Variants in NEK1 observed in about 807,000 individuals in gnomAD.
The protein encoded by NEK1 is serine/threonine-protein kinase Nek1.
A neutral mutation model predicts 182.1 loss-of-function variants in NEK1; 137 were observed. The ratio of observed to expected loss-of-function variants is 0.75; its 90% CI spans 0.65 to 0.87. NEK1 has a LOEUF of 0.87. Among genes scored for constraint, NEK1 ranks in the 40% least tolerant of loss-of-function variants. NEK1 has a pLI of 0.00. For synonymous variants in NEK1, 513 were observed against 492.2 expected (o/e 1.04, Z -0.56); for missense variants, 1,391 against 1,494.4 (o/e 0.93, Z 1.14).
chr4:169,569,636 C>T (rs1042980886), intron 12 of NEK1, among the ~76,000 whole-genome samples: 7 of 152,088 alleles, frequency 4.6e-5, no homozygotes, highest in South Asian at 2.1e-4. Context: ...CGATTGCAGG[C>T]GCGCGCCACC....
chr4:169,518,421 G>A (rs1302592664), intron 19 of NEK1, among the ~76,000 whole-genome samples: 55 of 139,860 alleles, frequency 3.9e-4, no homozygotes, highest in African/African-American at 7.8e-4. Flanking sequence ...TCTTAATAGC[G>A]GTCTATCAAT....
chr4:169,596,671 T>C (rs1769546421), intron 5 of NEK1, among the ~76,000 whole-genome samples: 1 of 152,144 alleles, frequency 6.6e-6, no homozygotes. Context: ...GTCTTCCTGT[T>C]CCCCACTTAC....
intron 23 of NEK1, among the ~76,000 whole-genome samples, chr4:169,492,068 T>C (rs773152551): frequency 5.9e-5 from 9 of 151,874 alleles, no homozygotes; most frequent in Non-Finnish European, 1.3e-4. Flanking sequence ...GAGTAGACAA[T>C]AAGAGAAGAA....
intron 27 of NEK1, among the ~76,000 whole-genome samples, chr4:169,441,280 A>G (rs1006285274): frequency 2.0e-5 from 3 of 152,222 alleles, no homozygotes; most frequent in African/African-American, 7.2e-5. Flanking sequence ...GCAAGGAGAT[A>G]GGCATGCTTG....
chr4:169,526,928 G>A (rs1756975169), intron 19 of NEK1, among the ~76,000 whole-genome samples: 3 of 152,120 alleles, frequency 2.0e-5, no homozygotes, highest in Admixed American at 6.5e-5. Context: ...AACATGACAA[G>A]TTTGGTGTAA....
At chr4:169,453,673 G>A (rs1742281178) in intron 27 of NEK1, among the ~76,000 whole-genome samples, 1 of 152,234 alleles carries the variant, frequency 6.6e-6, no homozygotes, top group African/African-American at 2.4e-5. Context: ...CAGTTAACTA[G>A]CCCAACCTAT....
chr4:169,498,970 A>T (rs994866892), intron 23 of NEK1, among the ~76,000 whole-genome samples: 2 of 152,214 alleles, frequency 1.3e-5, no homozygotes, highest in African/African-American at 4.8e-5. Flanking sequence ...AGATTGGGGA[A>T]GTTCTCCTGG....
chr4:169,602,059 A>G lies in NEK1; in HGVS notation c.163T>C (p.Leu55=), dbSNP rs1390276799. 8 of 1,613,554 alleles carry G rather than the reference A, an allele frequency of 5.0e-6. No homozygotes were observed. Among genetic ancestry groups the G allele is most frequent in the South Asian group, 1.1e-5 (1 of 91,068 alleles). Residue 55 remains leucine (L), a synonymous_variant, in exon 4 of 36, where the codon TTG becomes CTG. Transcript: ENST00000507142. ...ATATTTGGATGCTTCATGTTTGCCA[A>G]TACTGCAACTTCTCTCCTTGATTCT... ...REESRREVAV[L]ANMKHPNIVQ... is the part of the protein sequence containing the mutation.
At chr4:169,428,491 A>G (rs532086801) in intron 29 of NEK1, among the ~76,000 whole-genome samples, 69 of 151,864 alleles carry the variant, frequency 4.5e-4, no homozygotes, top group Non-Finnish European at 8.5e-4. Flanking sequence ...TATATACTAT[A>G]TGATTCTGTA....
chr4:169,556,616 C>A (rs1268264756), intron 16 of NEK1, among the ~76,000 whole-genome samples: 1 of 151,812 alleles, frequency 6.6e-6, no homozygotes, highest in Admixed American at 6.6e-5. Flanking sequence ...TCATATCTAT[C>A]TTTAGTTTCC....
At chr4:169,506,259 G>A (rs1753233453) in intron 23 of NEK1, among the ~76,000 whole-genome samples, 1 of 152,078 alleles carries the variant, frequency 6.6e-6, no homozygotes, top group Non-Finnish European at 1.5e-5. Flanking sequence ...TGGCAGAAAA[G>A]ACAGAGTAAC....
chr4:169,512,326 G>C (rs1210292659), intron 19 of NEK1, among the ~76,000 whole-genome samples: 1 of 152,028 alleles, frequency 6.6e-6, no homozygotes, highest in East Asian at 1.9e-4. Context: ...TAGGTGTGAA[G>C]TGATAACATC....
chr4:169,523,119 G>T (rs560882607), intron 19 of NEK1, among the ~76,000 whole-genome samples: 3 of 152,218 alleles, frequency 2.0e-5, no homozygotes, highest in African/African-American at 7.2e-5. Context: ...ATTCTTTTTG[G>T]ACCTGGGCAG....
At chr4:169,513,187 A>T (rs1416380757) in intron 19 of NEK1, among the ~76,000 whole-genome samples, 1 of 152,124 alleles carries the variant, frequency 6.6e-6, no homozygotes, top group Non-Finnish European at 1.5e-5. Flanking sequence ...AAGAATTGCC[A>T]TTTTTACTGT....
Position 169,561,846 on chromosome 4 carries a change from T to C in NEK1, c.1126A>G (p.Lys376Glu). 1 of 1,610,484 alleles carries C rather than the reference T, an allele frequency of 6.2e-7. No homozygotes were observed. Among genetic ancestry groups the C allele is most frequent in the Non-Finnish European group, 8.5e-7 (1 of 1,178,704 alleles). The change falls in exon 14 of 36, where the codon AAA (lysine) becomes GAA (glutamate). Residue 376 changes from lysine to glutamate, a missense_variant. Coordinates refer to ENST00000507142, the MANE Select transcript of NEK1 (RefSeq NM_001199397.3). ...CAAAAAACTACCTGATCCTTTTGTT[T>C]CTTTTCTTTTTCAATAAATTCCAGC... ...RRLEFIEKEK[K>E]QKDQIISLMK...
intron 8 of NEK1, among the ~76,000 whole-genome samples, chr4:169,587,912 AATT>A (rs1360493345): frequency 6.6e-6 from 1 of 152,080 alleles, no homozygotes; most frequent in Non-Finnish European, 1.5e-5. Context: ...AACTTTTTTC[AATT>A]ATTTGTAAAA....
chr4:169,562,974 C>G (rs76707684), intron 12 of NEK1, among the ~76,000 whole-genome samples: 1,645 of 152,212 alleles, frequency 0.011, 28 homozygotes, highest in African/African-American at 0.037. Context: ...ATATCTGCAT[C>G]TGTTTTCTTC....
intron 23 of NEK1, among the ~76,000 whole-genome samples, chr4:169,497,549 T>C (rs1751574323): frequency 6.6e-6 from 1 of 152,246 alleles, no homozygotes; most frequent in South Asian, 2.1e-4. Flanking sequence ...CTTAGTGCTA[T>C]AAATTTCCTT....
intron 8 of NEK1, among the ~76,000 whole-genome samples, chr4:169,587,904 C>CT (rs1477153787): frequency 2.6e-5 from 4 of 151,870 alleles, no homozygotes; most frequent in Non-Finnish European, 4.4e-5. Flanking sequence ...AAAACTCAAA[C>CT]TTTTTTCAAT....
Sources: gnomAD v4.1 joint callset for allele counts (sites outside exome capture counted in the v4.1 genomes callset) on GRCh38, gnomAD v4.1.1 for gene constraint, MANE v1.5 for transcripts, NCBI Gene and HGNC (gene_info 2026-07-23, HGNC 2026-07-21) for gene names.